Variants in ATP8A2 observed in about 807,000 individuals in gnomAD.
The protein encoded by ATP8A2 is ATPase phospholipid transporting 8A2.
ATP8A2 carries 100 observed loss-of-function variants against 165.6 expected under a neutral mutation model. The ratio of observed to expected loss-of-function variants is 0.60; its 90% CI spans 0.51 to 0.71. The LOEUF (loss-of-function observed/expected upper bound fraction) is 0.71, where lower values mean the gene tolerates loss of function less well. Among genes scored for constraint, ATP8A2 ranks in the 30% least tolerant of loss-of-function variants. The pLI is 0.00. For synonymous variants in ATP8A2, 543 were observed against 548.8 expected, an observed-to-expected ratio of 0.99 and a Z score of 0.15; for missense variants, 1,227 against 1,479.5, an observed-to-expected ratio of 0.83 and a Z score of 2.80.
intron 24 of ATP8A2, among the ~76,000 whole-genome samples, chr13:25,595,263 A>G (rs1016412301): frequency 6.6e-6 from 1 of 152,240 alleles, no homozygotes; most frequent in Non-Finnish European, 1.5e-5. Context: ...GTGTTTGCTC[A>G]GAGCAAAGCA....
chr13:25,995,569 G>C (rs8000276), intron 35 of ATP8A2, among the ~76,000 whole-genome samples: 36,944 of 151,512 alleles, frequency 0.24, 4,781 homozygotes, highest in Middle Eastern at 0.32. Context: ...ATTTGGAAGT[G>C]TGTTATTAAT....
chr13:25,716,042 T>C (rs1219715947), intron 25 of ATP8A2, among the ~76,000 whole-genome samples: 3 of 152,196 alleles, frequency 2.0e-5, no homozygotes, highest in Non-Finnish European at 4.4e-5. Flanking sequence ...TATTTCACTG[T>C]GGTTTTGATT....
In ATP8A2 at chr13:25,755,409, C is replaced by T. The variant is rs116007948; in HGVS notation, c.2385-13637C>T. Among the ~76,000 whole-genome samples the T allele has an allele frequency of 8.1e-3, 1,239 of 152,248 alleles. 24 individuals are homozygous for T. The highest frequency in any genetic ancestry group is 0.028 in the African/African-American group (1,181 of 41,542). ...CCTCCTACTGCTTATCAAAACTGTT[C>T]CCATTATTGCTGCAATCTGATTCAC... On this transcript the variant is annotated intron_variant, in intron 25 of 36. Transcript: ENST00000381655.
intron 16 of ATP8A2, among the ~76,000 whole-genome samples, chr13:25,570,475 G>T (rs1566281359): frequency 1.3e-5 from 2 of 152,208 alleles, no homozygotes; most frequent in African/African-American, 4.8e-5. Flanking sequence ...GGGAGGCAGG[G>T]TGTGTGGAGG....
At position 25,571,690 on chromosome 13, in the gene ATP8A2, G is replaced by T; in HGVS notation, c.1660G>T (p.Ala554Ser). 6.2e-7 allele frequency: 1 copy of T among 1,613,714 alleles called. No individual in the cohort carries two copies. Among genetic ancestry groups the T allele is most frequent in the Non-Finnish European group, 8.5e-7 (1 of 1,179,562 alleles). The change falls in exon 18 of 37, where the codon GCG (alanine) becomes TCG (serine). Residue 554 changes from alanine to serine, a missense_variant and splice_region_variant. This residue lies in a region of ATP8A2 where 592 missense variants were observed against 785.6 expected (regional missense o/e 0.75). Transcript: ENST00000381655. ...AACACCATTCTCAGTCATCATAGAA[G>T]CGGTGAGTAACATGCGTGTGCACAT... is the stretch of plus-strand genomic sequence containing the variant. ...ARTPFSVIIE[A>S]MGQEQTFGIL... is the part of the protein sequence containing the mutation.
At chr13:25,734,884 C>A (rs375414338) in intron 25 of ATP8A2, among the ~76,000 whole-genome samples, 17 of 152,272 alleles carry the variant, frequency 1.1e-4, no homozygotes, top group African/African-American at 3.8e-4. Context: ...AGTGATCCAC[C>A]TGCCTCGGCC....
At chr13:25,934,813 C>A (rs78563147) in intron 33 of ATP8A2, among the ~76,000 whole-genome samples, 1 of 151,910 alleles carries the variant, frequency 6.6e-6, no homozygotes, top group Non-Finnish European at 1.5e-5. Flanking sequence ...TGAGTGAAGA[C>A]GGGAAAAGAC....
At chr13:25,662,670 A>G (rs1459036347) in intron 24 of ATP8A2, among the ~76,000 whole-genome samples, 3 of 152,184 alleles carry the variant, frequency 2.0e-5, no homozygotes, top group African/African-American at 7.2e-5. Flanking sequence ...TGAATTAGTG[A>G]GTAATCCAAT....
intron 33 of ATP8A2, among the ~76,000 whole-genome samples, chr13:25,941,335 T>G (rs1455391614): frequency 1.3e-5 from 2 of 152,182 alleles, no homozygotes; most frequent in African/African-American, 2.4e-5. Flanking sequence ...CTTTCTGTTG[T>G]GTCCTGAAGG....
chr13:25,997,995 A>G (rs952674829), intron 35 of ATP8A2, among the ~76,000 whole-genome samples: 3 of 152,128 alleles, frequency 2.0e-5, no homozygotes, highest in Non-Finnish European at 4.4e-5. Context: ...GTGATTTTCA[A>G]ATGAAACCTG....
intron 1 of ATP8A2, among the ~76,000 whole-genome samples, chr13:25,413,228 A>G (rs974730737): frequency 6.6e-6 from 1 of 151,586 alleles, no homozygotes; most frequent in African/African-American, 2.4e-5. Context: ...TTTTGGTGAG[A>G]ATATCTTTTA....
At chr13:25,874,264 G>A (rs1387049528) in intron 33 of ATP8A2, among the ~76,000 whole-genome samples, 2 of 152,234 alleles carry the variant, frequency 1.3e-5, no homozygotes, top group African/African-American at 4.8e-5. Context: ...TGTGAGGAGC[G>A]AGCTCCTACA....
intron 33 of ATP8A2, among the ~76,000 whole-genome samples, chr13:25,948,695 A>G (rs1216327582): frequency 6.6e-6 from 1 of 152,178 alleles, no homozygotes; most frequent in Non-Finnish European, 1.5e-5. Flanking sequence ...AAGGGACAGC[A>G]GAGAGCTTGA....
chr13:25,656,418 G>C (rs1002038118), intron 24 of ATP8A2, among the ~76,000 whole-genome samples: 35 of 151,914 alleles, frequency 2.3e-4, no homozygotes, highest in African/African-American at 8.4e-4. Flanking sequence ...TGGGATTACA[G>C]GTGTGTGCCA....
chr13:25,996,739 A>C (rs548037840), intron 35 of ATP8A2, among the ~76,000 whole-genome samples: 16 of 152,202 alleles, frequency 1.1e-4, no homozygotes, highest in African/African-American at 3.9e-4. Context: ...GCTGGAGTGC[A>C]GTGGCACAAT....
Position 25,897,797 on chromosome 13 carries a change from G to A in ATP8A2, c.3183+35389G>A, listed in dbSNP as rs139692280. 4.0e-3 allele frequency among the ~76,000 whole-genome samples: 615 copies of A among 151,894 alleles called. 2 individuals carry two copies. Among genetic ancestry groups the A allele is most frequent in the African/African-American group, 0.014 (586 of 41,424 alleles). On this transcript the variant is annotated intron_variant, in intron 33 of 36. Transcript: ENST00000381655. ...CATTTCATTCATTTCATCTTCCATC[G>A]CTGATACCCTTTCCTCCAGTTGATT...
intron 2 of ATP8A2, among the ~76,000 whole-genome samples, chr13:25,526,887 G>A (rs1335564443): frequency 1.3e-5 from 2 of 152,108 alleles, no homozygotes; most frequent in South Asian, 4.1e-4. Context: ...AAGATGATGG[G>A]GAAGCTGCCC....
At chr13:25,465,714 T>TCTTTCTTTCTTTCTTTC in intron 1 of ATP8A2, among the ~76,000 whole-genome samples, 2 of 56,206 alleles carry the variant, frequency 3.6e-5, no homozygotes, top group African/African-American at 8.3e-5. Flanking sequence ...TTTCTTTCTT[T>TCTTTCTTTCTTTCTTTC]CTTTCTTTCT....
intron 30 of ATP8A2, among the ~76,000 whole-genome samples, chr13:25,853,338 G>A (rs1009573599): frequency 1.0e-4 from 15 of 149,264 alleles, no homozygotes; most frequent in African/African-American, 3.4e-4. Flanking sequence ...GCTGCAGTGA[G>A]CTGAGATTGT....
Sources: gnomAD v4.1 joint callset for allele counts (sites outside exome capture counted in the v4.1 genomes callset) on GRCh38, gnomAD v4.1.1 for gene constraint, gnomAD v4.1.1 regional missense constraint, MANE v1.5 for transcripts, NCBI Gene and HGNC (gene_info 2026-07-23, HGNC 2026-07-21) for gene names.